Variants in SIAE observed in about 807,000 individuals in gnomAD.
The protein encoded by SIAE is sialate O-acetylesterase.
A neutral mutation model predicts 52.6 loss-of-function variants in SIAE; 39 were observed. That is an observed-to-expected ratio of 0.74 (90% CI 0.57 to 0.97). The LOEUF (loss-of-function observed/expected upper bound fraction) is 0.97, where lower values mean the gene tolerates loss of function less well. Among genes scored for constraint, SIAE ranks in the 50% least tolerant of loss-of-function variants. The probability of loss-of-function intolerance (pLI) is 0.00; values close to 1 mark genes in which losing one functional copy is unlikely to be tolerated. For synonymous variants in SIAE, 233 were observed against 241.4 expected (o/e 0.97, Z 0.32); for missense variants, 592 against 662.1 (o/e 0.89, Z 1.16).
chr11:124,669,598 G>T (rs139720548), intron 1 of SIAE, 77 bp from the exon 2 acceptor site: 57 of 1,308,726 alleles, frequency 4.4e-5, no homozygotes, highest in Non-Finnish European at 5.9e-5. Flanking sequence ...AAACAGCAAA[G>T]AACATACAGT....
At chr11:124,675,611 A>G (rs1591401664), upstream of SIAE, 1 of 539,274 alleles carries the variant, frequency 1.9e-6, no homozygotes, top group South Asian at 2.5e-5. Context: ...ATATTATCGA[A>G]GATTACCAGT....
At chr11:124,661,387 G>A (rs1943185488) in intron 2 of SIAE, among the ~76,000 whole-genome samples, 1 of 152,144 alleles carries the variant, frequency 6.6e-6, no homozygotes, top group Non-Finnish European at 1.5e-5. Context: ...AAAAAGTAGT[G>A]GGAGGCATAT....
At chr11:124,643,188 A>G (rs1406926928) in intron 7 of SIAE, among the ~76,000 whole-genome samples, 1 of 152,260 alleles carries the variant, frequency 6.6e-6, no homozygotes, top group Non-Finnish European at 1.5e-5. Flanking sequence ...ATGGAAAAGA[A>G]AATGGCAGGC....
rs1943405654 is a variant in SIAE at position 124,673,543 on chromosome 11, T to C, written c.67+99A>G. On this transcript the variant is annotated intron_variant, in intron 1 of 9. Transcript: ENST00000263593. ...GCCTAGCTAGGTTCCTTCGTCGACC[T>C]TGAGAAAGGGGCGCGGATCCGTGTC... The C allele has an allele frequency of 6.3e-6, 9 of 1,424,950 alleles. No individual in the cohort carries two copies. In the South Asian group the frequency reaches 9.7e-5, roughly 15 times the overall value. The allele number at this position is 1,424,950 out of a possible 1,614,324, so 88.3% of individuals were successfully genotyped here.
At chr11:124,675,460 A>C (rs1356342899), upstream of SIAE, 1 of 1,595,338 alleles carries the variant, frequency 6.3e-7, no homozygotes, top group Non-Finnish European at 8.5e-7. Flanking sequence ...ATAAGAAACT[A>C]AGCATTTGTT....
Position 124,660,701 on chromosome 11 carries a change from C to G in SIAE, c.332G>C (p.Arg111Thr). 1 of 1,614,206 alleles carries G rather than the reference C, an allele frequency of 6.2e-7. No individual in the cohort carries two copies. The highest frequency in any genetic ancestry group is 8.5e-7 in the Non-Finnish European group (1 of 1,180,036). Residue 111 changes from arginine (R) to threonine (T), a missense_variant, in exon 3 of 10, where the codon AGA (arginine) becomes ACA (threonine). Arg to Thr is a moderately conservative substitution (Grantham distance 71). Coordinates refer to ENST00000263593, the MANE Select transcript of SIAE (RefSeq NM_170601.5). ...QTLEKINFTL[R>T]VHDVLFGDVW... ...ATCTCCAAACAGGACGTCATGAACT[C>G]TCAGGGTGAAGTTTATTTTCTCCAA...
At chr11:124,673,301 G>A (rs866344099) in intron 1 of SIAE, among the ~76,000 whole-genome samples, 3 of 152,130 alleles carry the variant, frequency 2.0e-5, no homozygotes, top group South Asian at 2.1e-4. Context: ...AACTAGCTTC[G>A]CCTCCTTCCC....
At chr11:124,666,928 G>C (rs2134390607) in intron 2 of SIAE, among the ~76,000 whole-genome samples, 1 of 152,242 alleles carries the variant, frequency 6.6e-6, no homozygotes, top group African/African-American at 2.4e-5. Context: ...ATTCCACCTA[G>C]CCTCCTGCCT....
In SIAE at chr11:124,648,064, AC is replaced by A; in HGVS notation, c.832+1del. The A allele has an allele frequency of 6.2e-7, 1 of 1,608,072 alleles. No individual in the cohort carries two copies. The highest frequency in any genetic ancestry group is 8.5e-7 in the Non-Finnish European group (1 of 1,174,520). Reference sequence around the variant, plus strand: ...TGGAGAAAGAGTACACTGAACACTTACCCTGGTACCATACTACCCCTTTCAG... The same window carrying A: ...TGGAGAAAGAGTACACTGAACACTTACCTGGTACCATACTACCCCTTTCAG... On this transcript the variant is annotated splice_donor_variant, in intron 6 of 9. Transcript: ENST00000263593. LOFTEE classifies it high-confidence loss of function.
upstream of SIAE, chr11:124,675,031 T>C (rs1943441602): frequency 8.5e-6 from 3 of 354,364 alleles, no homozygotes; most frequent in African/African-American, 4.2e-5. Flanking sequence ...TGATTTGGCC[T>C]AGTGAATGGG....
chr11:124,633,358 C>T lies in SIAE; in HGVS notation c.*3593G>A, dbSNP rs1455937612. On this transcript the variant is annotated 3_prime_UTR_variant, in exon 10 of 10. Coordinates refer to ENST00000263593, the MANE Select transcript of SIAE (RefSeq NM_170601.5). ...AGGTTTACTCTATCACCTAACACCT[C>T]AACACTACCTGTGGGATGCCTTAGT... The T allele has an allele frequency of 6.6e-6, 1 of 152,208 alleles. No individual in the cohort carries two copies. The highest frequency in any genetic ancestry group is 1.5e-5 in the Non-Finnish European group (1 of 68,052). 9.4% of individuals were successfully genotyped at this position (152,208 alleles called of 1,614,324 possible).
intron 3 of SIAE, 125 bp from the exon 4 acceptor site, chr11:124,654,918 A>C: frequency 1.8e-6 from 2 of 1,091,784 alleles, no homozygotes; most frequent in Non-Finnish European, 2.8e-6. Context: ...AATAACCAAA[A>C]CCAATGGGCT....
At chr11:124,647,147 C>A (rs1399329593) in intron 7 of SIAE, among the ~76,000 whole-genome samples, 1 of 152,134 alleles carries the variant, frequency 6.6e-6, no homozygotes, top group Non-Finnish European at 1.5e-5. Flanking sequence ...AGTTACTTAT[C>A]AACTTTTTTT....
At chr11:124,673,742 G>A (rs1943413192), upstream of SIAE, 4 of 1,609,128 alleles carry the variant, frequency 2.5e-6, no homozygotes, top group South Asian at 4.4e-5. Flanking sequence ...CTAGGACTGG[G>A]AAAGTGGGTT....
chr11:124,634,033 C>A lies in SIAE; in HGVS notation c.*2918G>T, dbSNP rs982380133. The A allele has an allele frequency of 2.0e-5, 3 of 152,200 alleles. No individual in the cohort carries two copies. The highest frequency in any genetic ancestry group is 7.2e-5 in the African/African-American group (3 of 41,440). 9.4% of individuals were successfully genotyped at this position (152,200 alleles called of 1,614,324 possible). On this transcript the variant is annotated 3_prime_UTR_variant, in exon 10 of 10. Transcript: ENST00000263593. ...TGAAGATATGTGTAAAATGTTTTTACTATGGATCATGGATTTAAGAAACTT... is the reference window on the plus strand; with the variant it reads ...TGAAGATATGTGTAAAATGTTTTTAATATGGATCATGGATTTAAGAAACTT...
intron 1 of SIAE, 60 bp from the exon 2 acceptor site, chr11:124,669,581 T>C: frequency 5.5e-6 from 8 of 1,467,644 alleles, no homozygotes; most frequent in Non-Finnish European, 6.6e-6. Context: ...ACCAACTGGA[T>C]CAAGTGAAAC....
rs543149204 is a variant in SIAE at position 124,643,298 on chromosome 11, G to A, written c.967-3431C>T. Among the ~76,000 whole-genome samples the A allele has an allele frequency of 1.2e-4, 19 of 152,214 alleles. No homozygotes were observed. In the East Asian group the frequency reaches 3.7e-3, roughly 29 times the overall value. ...GCAGAGAGAATTAGAAGGTGAGGTC[G>A]GCGGGTAATGTGGGCAGGGGGCACA... On this transcript the variant is annotated intron_variant, in intron 7 of 9. Coordinates refer to ENST00000263593, the MANE Select transcript of SIAE (RefSeq NM_170601.5).
intron 3 of SIAE, chr11:124,660,116 C>G (rs1331782877): frequency 5.6e-6 from 1 of 179,090 alleles, no homozygotes; most frequent in Non-Finnish European, 1.2e-5. Flanking sequence ...ATGGCGAAAC[C>G]CCGTCTGTAC....
At chr11:124,649,837 G>T in intron 4 of SIAE, 41 bp from the exon 5 acceptor site, 2 of 1,607,982 alleles carry the variant, frequency 1.2e-6, no homozygotes, top group Non-Finnish European at 1.7e-6. Flanking sequence ...CCAGAGAAAG[G>T]TTGATGGATA....
Sources: gnomAD v4.1 joint callset for allele counts (sites outside exome capture counted in the v4.1 genomes callset) on GRCh38, gnomAD v4.1.1 for gene constraint, MANE v1.5 for transcripts, NCBI Gene and HGNC (gene_info 2026-07-23, HGNC 2026-07-21) for gene names.